Variants in RNFT2 observed in about 807,000 individuals in gnomAD.
RNFT2 encodes ring finger protein, transmembrane 2, also known as E3 ubiquitin-protein ligase RNFT2.
A neutral mutation model predicts 53.0 loss-of-function variants in RNFT2; 36 were observed. That is an observed-to-expected ratio of 0.68 (90% CI 0.52 to 0.90). The LOEUF is 0.90. Among genes scored for constraint, RNFT2 ranks in the 40% least tolerant of loss-of-function variants. The pLI is 0.00. For missense variants in RNFT2, 514 were observed against 585.6 expected (o/e 0.88, Z 1.26); for synonymous variants, 260 against 253.2 (o/e 1.03, Z -0.26).
chr12:116,846,139 C>T (rs1877600939), intron 10 of RNFT2, among the ~76,000 whole-genome samples: 1 of 152,202 alleles, frequency 6.6e-6, no homozygotes, highest in South Asian at 2.1e-4. Context: ...TTACAAGAAG[C>T]TTACAGCCTG....
intron 10 of RNFT2, among the ~76,000 whole-genome samples, chr12:116,844,286 A>G (rs990674073): frequency 6.6e-6 from 1 of 152,052 alleles, no homozygotes; most frequent in Non-Finnish European, 1.5e-5. Context: ...GCTGGAATGT[A>G]GTGGCACGAT....
intron 10 of RNFT2, among the ~76,000 whole-genome samples, chr12:116,847,015 T>G (rs1228262651): frequency 1.3e-5 from 2 of 151,582 alleles, no homozygotes; most frequent in African/African-American, 4.9e-5. Context: ...TTCAAACGAT[T>G]CTCCTGCCTT....
In RNFT2 at chr12:116,852,035, A is replaced by G. The variant is rs1877954289; in HGVS notation, c.*2587A>G. ...CACCGTAACCATCTGTGCTTCTGTG[A>G]TCTCTATGACAGAGCCACTTCTCCA... On this transcript the variant is annotated 3_prime_UTR_variant, in exon 11 of 11. Transcript: ENST00000257575. 7.8e-7 allele frequency: 1 copy of G among 1,278,264 alleles called. No individual in the cohort carries two copies. The highest frequency in any genetic ancestry group is 1.0e-6 in the Non-Finnish European group (1 of 952,996). 79.2% of individuals were successfully genotyped at this position (1,278,264 alleles called of 1,614,324 possible).
intron 10 of RNFT2, among the ~76,000 whole-genome samples, chr12:116,848,921 C>T (rs1448598871): frequency 1.3e-5 from 2 of 152,112 alleles, no homozygotes; most frequent in Non-Finnish European, 2.9e-5. Context: ...CGGGTTCAAA[C>T]GATTCTCTTG....
At chr12:116,766,940 G>A (rs371480237) in intron 6 of RNFT2, 26 bp downstream of exon 6, 841 of 1,512,394 alleles carry the variant, frequency 5.6e-4, no homozygotes, top group Non-Finnish European at 7.1e-4. Context: ...CAACCCCCAC[G>A]GTGGGAGAGT....
intron 6 of RNFT2, among the ~76,000 whole-genome samples, chr12:116,774,242 T>C (rs1873325533): frequency 6.6e-6 from 1 of 152,178 alleles, no homozygotes; most frequent in South Asian, 2.1e-4. Flanking sequence ...TGCAACAATG[T>C]GAATGTACTT....
intron 7 of RNFT2, among the ~76,000 whole-genome samples, chr12:116,786,755 C>A (rs1397538245): frequency 6.6e-6 from 1 of 152,156 alleles, no homozygotes. Context: ...GTTCTGGAAG[C>A]CAGAAATCCA....
At chr12:116,741,374 C>G (rs922831472) in intron 3 of RNFT2, among the ~76,000 whole-genome samples, 1 of 152,176 alleles carries the variant, frequency 6.6e-6, no homozygotes, top group Non-Finnish European at 1.5e-5. Flanking sequence ...GCTGCTATCA[C>G]AAAAATATCA....
intron 6 of RNFT2, among the ~76,000 whole-genome samples, chr12:116,772,802 A>G (rs1873260348): frequency 6.6e-6 from 1 of 152,174 alleles, no homozygotes; most frequent in South Asian, 2.1e-4. Flanking sequence ...ACTTTAATGC[A>G]CAAGAAATGT....
At chr12:116,806,374 AAAAAAAAATATATATAT>A (rs1252613928) in intron 7 of RNFT2, among the ~76,000 whole-genome samples, 1 of 98,512 alleles carries the variant, frequency 1.0e-5, no homozygotes, top group African/African-American at 4.7e-5. Context: ...TCTCAAAAAA[AAAAAAAAATATATATAT>A]ATATATATAG....
intron 5 of RNFT2, among the ~76,000 whole-genome samples, chr12:116,758,171 A>C (rs937224055): frequency 6.6e-6 from 1 of 152,204 alleles, no homozygotes; most frequent in African/African-American, 2.4e-5. Flanking sequence ...GTCCATTTGC[A>C]TGAAATGCCT....
chr12:116,841,834 A>AATATATATATAT (rs1235996836), intron 10 of RNFT2, among the ~76,000 whole-genome samples: 2 of 30,144 alleles, frequency 6.6e-5, no homozygotes, highest in Non-Finnish European at 1.1e-4. Flanking sequence ...TATATATATA[A>AATATATATATAT]ATATATATAT....
Position 116,750,090 on chromosome 12 carries a change from GC to G in RNFT2, c.337del (p.His113ThrfsTer44). 6.4e-7 allele frequency: 1 copy of G among 1,552,398 alleles called. No individual in the cohort carries two copies. The highest frequency in any genetic ancestry group is 8.7e-7 in the Non-Finnish European group (1 of 1,153,884). On this transcript the variant is annotated frameshift_variant, in exon 4 of 11. Transcript: ENST00000257575. LOFTEE classifies it high-confidence loss of function. ...AGGGGGGCGCCTACCACCACCGCCA[GC>G]CCCACCACCATTTCCACCATGGCGG... The part of the protein sequence containing the change: ...GEGGAYHHRQ[P>X]HHHFHHGGHR...
At chr12:116,848,304 C>T (rs577187941) in intron 10 of RNFT2, among the ~76,000 whole-genome samples, 3 of 152,264 alleles carry the variant, frequency 2.0e-5, no homozygotes, top group East Asian at 1.9e-4. Context: ...CTGCAGTGAA[C>T]GTATGCGTGC....
At chr12:116,741,998 C>T (rs1342815678) in intron 3 of RNFT2, among the ~76,000 whole-genome samples, 2 of 152,088 alleles carry the variant, frequency 1.3e-5, no homozygotes, top group Non-Finnish European at 2.9e-5. Context: ...GAGATCATAG[C>T]TCTGAGAAAC....
chr12:116,839,592 GGATGGACA>G (rs1172323742), intron 10 of RNFT2, among the ~76,000 whole-genome samples: 2 of 151,978 alleles, frequency 1.3e-5, no homozygotes, highest in African/African-American at 4.8e-5. Context: ...TAAATAGGAT[GGATGGACA>G]GATGGACGGA....
In RNFT2 at chr12:116,821,802, C is replaced by CTTTTTTTTTTT. The variant is rs149043452; in HGVS notation, c.883-11968_883-11958dup. 5.2e-4 allele frequency among the ~76,000 whole-genome samples: 23 copies of CTTTTTTTTTTT among 43,938 alleles called. 2 individuals are homozygous for CTTTTTTTTTTT. The highest frequency in any genetic ancestry group is 2.0e-3 in the African/African-American group (20 of 9,782). 28.8% of individuals were successfully genotyped at this position (43,938 alleles called of 152,430 possible). A position where few individuals can be genotyped will look rare whatever the true frequency, so the allele number is the denominator to read the frequency against. ...TCCTCCTTTTTCTGACTACTTGTTT[C>CTTTTTTTTTTT]TTTTTTTTTTTTTTTTTTTTTTTTT... is the stretch of plus-strand genomic sequence containing the variant. On this transcript the variant is annotated intron_variant, in intron 7 of 10. Transcript: ENST00000257575.
At chr12:116,842,447 C>T (rs1167318621) in intron 10 of RNFT2, among the ~76,000 whole-genome samples, 3 of 152,184 alleles carry the variant, frequency 2.0e-5, no homozygotes, top group Non-Finnish European at 4.4e-5. Context: ...GGGCGCACAG[C>T]TCCCCCTCTC....
At chr12:116,803,217 C>T (rs924801662) in intron 7 of RNFT2, among the ~76,000 whole-genome samples, 15 of 152,190 alleles carry the variant, frequency 9.9e-5, no homozygotes, top group African/African-American at 3.4e-4. Context: ...TCTTGTTATG[C>T]CAGCAGTGGA....
Sources: allele counts gnomAD v4.1 joint callset (sites outside exome capture counted in the v4.1 genomes callset), GRCh38; gene constraint gnomAD v4.1.1; transcripts MANE v1.5; gene names NCBI Gene and HGNC (gene_info 2026-07-23, HGNC 2026-07-21).